The following ASCC2 variants were observed in gnomAD, a reference collection of about 807,000 sequenced individuals.
ASCC2 encodes the protein ASC-1 complex subunit P100.
A neutral mutation model predicts 93.5 loss-of-function variants in ASCC2; 42 were observed. The observed-to-expected ratio is 0.45, with a 90% CI of 0.35 to 0.58. The LOEUF (loss-of-function observed/expected upper bound fraction) is 0.58, where lower values mean the gene tolerates loss of function less well. ASCC2 is among the 20% of genes least tolerant of loss of function. The probability of loss-of-function intolerance (pLI) is 0.00; values close to 1 mark genes in which losing one functional copy is unlikely to be tolerated. For synonymous variants in ASCC2, 364 were observed against 384.2 expected (o/e 0.95, Z 0.62); for missense variants, 859 against 977.6 (o/e 0.88, Z 1.62).
chr22:29,819,489 C>G lies in ASCC2; in HGVS notation c.541+2846G>C, dbSNP rs539048077. On this transcript the variant is annotated intron_variant, in intron 5 of 19. Transcript: ENST00000307790. ...AACAACCCAATGTAATCCCTGCACCCATCCTATGGGTAGGTATATTATTAG... is the reference window on the plus strand; with the variant it reads ...AACAACCCAATGTAATCCCTGCACCGATCCTATGGGTAGGTATATTATTAG... 5.3e-5 allele frequency among the ~76,000 whole-genome samples: 8 copies of G among 152,268 alleles called. No homozygotes were observed. The East Asian group carries it at 1.5e-3, about 29-fold the overall frequency.
At position 29,804,794 on chromosome 22, in the gene ASCC2, G is replaced by C; in HGVS notation, c.1197C>G (p.Val399=). 6.2e-7 allele frequency: 1 copy of C among 1,613,994 alleles called. No homozygotes were observed. ...TGTCCACCCCTTCCCATGCACTCTC[G>C]ACTGCCTGGAGGATGTAGGCAGTCC... ...ETRTAYILQA[V]ESAWEGVDRR... is the part of the protein sequence containing the mutation. The change falls in exon 13 of 20, where the codon GTC becomes GTG. Residue 399 remains valine (V), a synonymous_variant. Coordinates refer to ENST00000307790, the MANE Select transcript of ASCC2 (RefSeq NM_032204.5).
intron 7 of ASCC2, among the ~76,000 whole-genome samples, chr22:29,813,892 G>A (rs943934169): frequency 2.0e-5 from 3 of 152,198 alleles, no homozygotes; most frequent in Non-Finnish European, 4.4e-5. Flanking sequence ...ATCCGAGGCA[G>A]GACAAGAATA....
In ASCC2 at chr22:29,813,694, G is replaced by T. The variant is rs2060527646; in HGVS notation, c.721-152C>A. ...CACTGGAGGTCCCAGGCAAAGTCTGGCTAGTCCATCTTCAGGAGCACGATC... is the reference window on the plus strand; with the variant it reads ...CACTGGAGGTCCCAGGCAAAGTCTGTCTAGTCCATCTTCAGGAGCACGATC... On this transcript the variant is annotated intron_variant, in intron 7 of 19. Transcript: ENST00000307790. The T allele has an allele frequency of 1.1e-5, 7 of 623,252 alleles. No individual in the cohort carries two copies. In the South Asian group the frequency reaches 1.4e-4, roughly 12 times the overall value. 38.6% of individuals were successfully genotyped at this position (623,252 alleles called of 1,614,324 possible).
At chr22:29,837,276 A>T (rs1451564644) in intron 1 of ASCC2, among the ~76,000 whole-genome samples, 1 of 152,002 alleles carries the variant, frequency 6.6e-6, no homozygotes, top group African/African-American at 2.4e-5. Flanking sequence ...CGAAAAAAAA[A>T]AAAAAAATTA....
At chr22:29,793,818 G>A (rs1669652370) in intron 15 of ASCC2, 142 bp from the exon 16 acceptor site, 1 of 803,024 alleles carries the variant, frequency 1.2e-6, no homozygotes, top group Non-Finnish European at 2.0e-6. Flanking sequence ...CATTGGTGAG[G>A]GCGTGGGAGG....
intron 13 of ASCC2, among the ~76,000 whole-genome samples, chr22:29,803,283 A>T (rs2059317512): frequency 6.6e-6 from 1 of 151,664 alleles, no homozygotes. Context: ...ACAAACAAAA[A>T]CAAATAAATA....
At chr22:29,790,755 C>T (rs755055174) in intron 18 of ASCC2, among the ~76,000 whole-genome samples, 2 of 152,218 alleles carry the variant, frequency 1.3e-5, no homozygotes, top group Non-Finnish European at 2.9e-5. Flanking sequence ...CACCTCTTCC[C>T]TGAGCGGGTG....
intron 13 of ASCC2, among the ~76,000 whole-genome samples, chr22:29,804,255 C>T (rs1028330929): frequency 2.0e-5 from 3 of 152,172 alleles, no homozygotes; most frequent in African/African-American, 7.2e-5. Flanking sequence ...GAGGGGCTTC[C>T]AAGAAGGCCA....
At chr22:29,810,397 C>A (rs1219704413) in intron 8 of ASCC2, 1 of 152,210 alleles carries the variant, frequency 6.6e-6, no homozygotes, top group Non-Finnish European at 1.5e-5. Context: ...TAAACACATG[C>A]CTGTCAGTTG....
Position 29,814,116 on chromosome 22 carries a change from C to T in ASCC2, c.720+541G>A, listed in dbSNP as rs1302009605. ...CACGTGCCCTTCTGAAATGAGATCA[C>T]CATCTCCAGGAGGACAGCTCATAGC... On this transcript the variant is annotated intron_variant, in intron 7 of 19. Transcript: ENST00000307790. 3.3e-5 allele frequency among the ~76,000 whole-genome samples: 5 copies of T among 152,218 alleles called. No homozygotes were observed. The East Asian group carries it at 9.6e-4, about 29-fold the overall frequency.
chr22:29,835,447 C>G (rs1032928300), intron 1 of ASCC2, among the ~76,000 whole-genome samples: 11 of 151,846 alleles, frequency 7.2e-5, no homozygotes, highest in African/African-American at 2.7e-4. Context: ...GAAATTCACT[C>G]CTACAAACCA....
chr22:29,806,238 G>C lies in ASCC2; in HGVS notation c.1138C>G (p.Leu380Val), dbSNP rs144899613. ...LFPVAEDISL[L>V]QQASSVLDET... ...TACAAGACTGATGAGGCCTGCTGCA[G>C]CAAGCTGATGTCTTCGGCCACGGGG... Residue 380 changes from leucine to valine, a missense_variant, in exon 12 of 20, where the codon CTG becomes GTG. By Grantham distance (32) the Leu-to-Val change is conservative. Coordinates refer to ENST00000307790, the MANE Select transcript of ASCC2 (RefSeq NM_032204.5). The C allele has an allele frequency of 1.9e-6, 3 of 1,614,076 alleles. No homozygotes were observed. In the African/African-American group the frequency reaches 4.0e-5, roughly 22 times the overall value.
intron 15 of ASCC2, 101 bp from the exon 16 acceptor site, chr22:29,793,777 T>A: frequency 9.4e-7 from 1 of 1,066,366 alleles, no homozygotes; most frequent in Non-Finnish European, 1.4e-6. Flanking sequence ...GCTCCAGCCC[T>A]CAGACTGTCA....
intron 13 of ASCC2, among the ~76,000 whole-genome samples, chr22:29,803,615 C>A (rs1167902311): frequency 1.3e-5 from 2 of 152,212 alleles, no homozygotes; most frequent in African/African-American, 4.8e-5. Flanking sequence ...CAGAGCTGGA[C>A]TGTGTGGAGA....
In ASCC2 at chr22:29,825,579, T is replaced by C. The variant is rs371276043; in HGVS notation, c.240+43A>G. The C allele has an allele frequency of 4.3e-6, 7 of 1,613,118 alleles. No homozygotes were observed. Among genetic ancestry groups the C allele is most frequent in the Non-Finnish European group, 5.1e-6 (6 of 1,179,216 alleles). On this transcript the variant is annotated intron_variant, in intron 3 of 19. Transcript: ENST00000307790. The surrounding 1 kb of genome is among the most constrained non-coding windows in gnomAD (Gnocchi z 4.9). ...CAACAACAGCAACCAACCAATGGCATGTCATGTGCTTTGTCTTAGCGTTAA... is the reference window on the plus strand; with the variant it reads ...CAACAACAGCAACCAACCAATGGCACGTCATGTGCTTTGTCTTAGCGTTAA...
At chr22:29,817,282 A>G (rs2148032853) in intron 5 of ASCC2, among the ~76,000 whole-genome samples, 1 of 152,260 alleles carries the variant, frequency 6.6e-6, no homozygotes, top group South Asian at 2.1e-4. Flanking sequence ...AAGGAAAGAC[A>G]GAGCTATCTC....
intron 2 of ASCC2, among the ~76,000 whole-genome samples, chr22:29,830,186 C>T (rs1039778635): frequency 6.6e-6 from 1 of 152,180 alleles, no homozygotes; most frequent in Non-Finnish European, 1.5e-5. Context: ...TACTATGTTC[C>T]AGGCACAGTG....
chr22:29,809,788 T>A (rs2060083761), intron 8 of ASCC2: 1 of 151,702 alleles, frequency 6.6e-6, no homozygotes, highest in East Asian at 1.9e-4. Context: ...AAAAAAAATT[T>A]AAAAATTGTA....
Position 29,825,942 on chromosome 22 carries a change from G to T in ASCC2, c.82-162C>A. ...TGTATCTAACAAAGAGGGCATGGTT[G>T]CATTCAGCGAACACTAGGCGGTAAT... On this transcript the variant is annotated intron_variant, in intron 2 of 19. Coordinates refer to ENST00000307790, the MANE Select transcript of ASCC2 (RefSeq NM_032204.5). The surrounding 1 kb of genome is among the most constrained non-coding windows in gnomAD (Gnocchi z 4.9). The T allele has an allele frequency of 1.4e-6, 1 of 720,918 alleles. No individual in the cohort carries two copies. Among genetic ancestry groups the T allele is most frequent in the Non-Finnish European group, 2.3e-6 (1 of 441,910 alleles). 44.7% of individuals were successfully genotyped at this position (720,918 alleles called of 1,614,324 possible).
Sources: allele counts gnomAD v4.1 joint callset (sites outside exome capture counted in the v4.1 genomes callset), GRCh38; gene constraint gnomAD v4.1.1; non-coding constraint Gnocchi (gnomAD v3.1); transcripts MANE v1.5; gene names NCBI Gene and HGNC (gene_info 2026-07-23, HGNC 2026-07-21).